The following ULBP1 variants were observed in gnomAD, a reference collection of about 807,000 sequenced individuals.
ULBP1 encodes UL16-binding protein 1.
Under a neutral mutation model 25.3 loss-of-function variants are expected in ULBP1, and 28 were observed. The ratio of observed to expected loss-of-function variants is 1.10; its 90% CI spans 0.82 to 1.51. The LOEUF is 1.51. Among genes scored for constraint, ULBP1 ranks in the 40% most tolerant of loss-of-function variants. ULBP1 has a pLI of 0.00. For synonymous variants in ULBP1, 129 were observed against 103.0 expected, an observed-to-expected ratio of 1.25 and a Z score of -1.53; for missense variants, 348 against 290.9, an observed-to-expected ratio of 1.20 and a Z score of -1.43.
rs1299614623 is a variant in ULBP1 at position 149,967,462 on chromosome 6, G to A, written c.86-1145G>A. On this transcript the variant is annotated intron_variant, in intron 1 of 4. Transcript: ENST00000229708. ...CAATGGACTCTGGGTCTGAGATGTG[G>A]CTCAGTTCTCAAAGCTGGGCAAAGG... is the stretch of plus-strand genomic sequence containing the variant. 5.3e-5 allele frequency among the ~76,000 whole-genome samples: 8 copies of A among 152,194 alleles called. No individual in the cohort carries two copies. In the South Asian group the frequency reaches 6.2e-4, roughly 12 times the overall value.
intron 3 of ULBP1, among the ~76,000 whole-genome samples, chr6:149,969,794 T>C (rs1337237032): frequency 6.6e-6 from 1 of 152,182 alleles, no homozygotes; most frequent in Non-Finnish European, 1.5e-5. Flanking sequence ...GAGGGTGGAC[T>C]GTGCTGTCAC....
rs554921036 is a variant in ULBP1 at position 149,971,767 on chromosome 6, A to G, written c.*421A>G. 6.2e-4 allele frequency: 95 copies of G among 152,290 alleles called. No individual in the cohort carries two copies. The highest frequency in any genetic ancestry group is 2.1e-3 in the African/African-American group (89 of 41,564). The allele number at this position is 152,290 out of a possible 1,614,324, so 9.4% of individuals were successfully genotyped here. On this transcript the variant is annotated 3_prime_UTR_variant, in exon 5 of 5. Transcript: ENST00000229708. Reference sequence around the variant, plus strand: ...TATCGCTAGTAAAATAGCATGCTGGACTTCAGACCTCAGGGATCCTTTTGA... The same window carrying G: ...TATCGCTAGTAAAATAGCATGCTGGGCTTCAGACCTCAGGGATCCTTTTGA...
chr6:149,964,150 T>C lies in ULBP1; in HGVS notation c.85+16T>C. 1 of 1,614,002 alleles carries C rather than the reference T, an allele frequency of 6.2e-7. No individual in the cohort carries two copies. Reference sequence around the variant, plus strand: ...GGATGGGTCGGTGAGTTCGGGGATGTAGCCTAAGCAGGGCGGGGGCCAAAC... The same window carrying C: ...GGATGGGTCGGTGAGTTCGGGGATGCAGCCTAAGCAGGGCGGGGGCCAAAC... On this transcript the variant is annotated intron_variant, in intron 1 of 4. Transcript: ENST00000229708.
chr6:149,968,795 G>A lies in ULBP1; in HGVS notation c.274G>A (p.Glu92Lys), dbSNP rs1779252226. ...NVTKTWEEQT[E>K]TLRDVVDFLK... ...CACAAAAACCTGGGAAGAACAAACT[G>A]AAACACTAAGAGACGTGGTGGATTT... Residue 92 changes from glutamate to lysine, a missense_variant, in exon 2 of 5, where the codon GAA (glutamate) becomes AAA (lysine). Transcript: ENST00000229708. The A allele has an allele frequency of 6.2e-7, 1 of 1,614,096 alleles. No homozygotes were observed. The highest frequency in any genetic ancestry group is 8.5e-7 in the Non-Finnish European group (1 of 1,180,052).
intron 4 of ULBP1, among the ~76,000 whole-genome samples, chr6:149,970,723 G>T (rs1779299032): frequency 6.6e-6 from 1 of 152,234 alleles, no homozygotes; most frequent in Admixed American, 6.5e-5. Flanking sequence ...TTAGGAAAAG[G>T]CCAGGCCCCT....
At position 149,972,555 on chromosome 6, in the gene ULBP1, A is replaced by G. The variant is rs557701623; in HGVS notation, c.*1209A>G. 6.6e-6 allele frequency: 1 copy of G among 152,306 alleles called. No homozygotes were observed. Among genetic ancestry groups the G allele is most frequent in the Admixed American group, 6.5e-5 (1 of 15,298 alleles). The allele number at this position is 152,306 out of a possible 1,614,324, so 9.4% of individuals were successfully genotyped here. On this transcript the variant is annotated 3_prime_UTR_variant, in exon 5 of 5. Transcript: ENST00000229708. ...TTCTGCACAGAAAAAGAAACTAGCA[A>G]CACAGTAAACAGACAGCCTGTAGAA...
rs1779155646 is a variant in ULBP1 at position 149,964,265 on chromosome 6, CCCGAACGTCGCGGTCCCT to C, written c.85+147_85+164del. On this transcript the variant is annotated intron_variant, in intron 1 of 4. Coordinates refer to ENST00000229708, the MANE Select transcript of ULBP1 (RefSeq NM_025218.4). The stretch of plus-strand genomic sequence containing the variant: ...CTCCCTGAACGAACATCGCGGTCTC[CCCGAACGTCGCGGTCCCT>C]CCGAACGTCGCGGTCTCCCCGAACA... 1.6e-5 allele frequency: 16 copies of C among 1,027,774 alleles called. 1 individual carries two copies. The South Asian group carries it at 2.2e-4, about 14-fold the overall frequency. 63.7% of individuals were successfully genotyped at this position (1,027,774 alleles called of 1,614,324 possible). A position where few individuals can be genotyped will look rare whatever the true frequency, so the allele number is the denominator to read the frequency against.
chr6:149,971,197 G>A (rs752153506), intron 4 of ULBP1, among the ~76,000 whole-genome samples, 172 bp from the exon 5 acceptor site: 6 of 152,192 alleles, frequency 3.9e-5, no homozygotes, highest in Non-Finnish European at 8.8e-5. Context: ...GTGTGGTGAA[G>A]GAGGGTGGAG....
At chr6:149,967,072 A>G (rs1209369598) in intron 1 of ULBP1, among the ~76,000 whole-genome samples, 1 of 152,216 alleles carries the variant, frequency 6.6e-6, no homozygotes, top group Non-Finnish European at 1.5e-5. Flanking sequence ...ACAACCTATA[A>G]TAGTTACTAC....
rs753782709 is a variant in ULBP1 at position 149,964,033 on chromosome 6, G to T, written c.-17G>T. ...GGAACCATCAGCGCCTCCTGTCCAC[G>T]GAGCTCCAGGTCTACAATGGCAGCG... is the stretch of plus-strand genomic sequence containing the variant. On this transcript the variant is annotated 5_prime_UTR_variant, in exon 1 of 5. Transcript: ENST00000229708. 6.2e-7 allele frequency: 1 copy of T among 1,613,532 alleles called. No individual in the cohort carries two copies. Among genetic ancestry groups the T allele is most frequent in the East Asian group, 2.2e-5 (1 of 44,876 alleles).
chr6:149,964,513 C>T (rs1427248931), intron 1 of ULBP1, among the ~76,000 whole-genome samples: 1 of 146,728 alleles, frequency 6.8e-6, no homozygotes, highest in Non-Finnish European at 1.5e-5. Flanking sequence ...ATCGTGGTCT[C>T]CCCGAACATC....
intron 1 of ULBP1, among the ~76,000 whole-genome samples, chr6:149,967,437 C>T (rs1362911458): frequency 1.3e-5 from 2 of 152,202 alleles, no homozygotes; most frequent in Non-Finnish European, 2.9e-5. Context: ...CTCCTTCTAG[C>T]AATGGACTCT....
At chr6:149,967,785 G>A (rs1370921620) in intron 1 of ULBP1, among the ~76,000 whole-genome samples, 1 of 151,976 alleles carries the variant, frequency 6.6e-6, no homozygotes, top group African/African-American at 2.4e-5. Flanking sequence ...ATTACTACTG[G>A]GAGCCCATTT....
chr6:149,969,259 A>G lies in ULBP1; in HGVS notation c.524A>G (p.Asn175Ser). Residue 175 changes from asparagine to serine, a missense_variant, in exon 3 of 5, where the codon AAC becomes AGC. Transcript: ENST00000229708. ...AKKMTEKWEK[N>S]RDVTMFFQKI... Reference sequence around the variant, plus strand: ...AAGATGACAGAGAAGTGGGAGAAGAACAGGGATGTGACCATGTTCTTCCAG... The same window carrying G: ...AAGATGACAGAGAAGTGGGAGAAGAGCAGGGATGTGACCATGTTCTTCCAG... The G allele has an allele frequency of 6.2e-7, 1 of 1,614,266 alleles. No homozygotes were observed. Among genetic ancestry groups the G allele is most frequent in the Non-Finnish European group, 8.5e-7 (1 of 1,180,052 alleles).
rs746611573 is a variant in ULBP1 at position 149,970,065 on chromosome 6, C to A, written c.675C>A (p.Thr225=). 2 of 1,613,562 alleles carry A rather than the reference C, an allele frequency of 1.2e-6. No homozygotes were observed. The highest frequency in any genetic ancestry group is 1.1e-5 in the South Asian group (1 of 90,836). ...CAACCCAACCCAAGGCCATGGCCAC[C>A]ACCCTCAGTCCCTGGAGCCTTCTCA... ...PGTTQPKAMA[T]TLSPWSLLII... The change falls in exon 4 of 5, where the codon ACC becomes ACA. Residue 225 remains threonine (T), a synonymous_variant. Coordinates refer to ENST00000229708, the MANE Select transcript of ULBP1 (RefSeq NM_025218.4).
Position 149,969,186 on chromosome 6 carries a change from T to G in ULBP1, c.451T>G (p.Phe151Val), listed in dbSNP as rs377668398. 6.2e-7 allele frequency: 1 copy of G among 1,614,120 alleles called. No individual in the cohort carries two copies. The highest frequency in any genetic ancestry group is 8.5e-7 in the Non-Finnish European group (1 of 1,180,062). ...FLFNGQKFLL[F>V]DSNNRKWTAL... ...CTTCAATGGACAGAAGTTCCTCCTCTTTGACTCAAACAACAGAAAGTGGAC... is the reference window on the plus strand; with the variant it reads ...CTTCAATGGACAGAAGTTCCTCCTCGTTGACTCAAACAACAGAAAGTGGAC... Residue 151 changes from phenylalanine to valine, a missense_variant, in exon 3 of 5, where the codon TTT (phenylalanine) becomes GTT (valine). By Grantham distance (50) the Phe-to-Val change is conservative (BLOSUM62 -1). Transcript: ENST00000229708.
Position 149,964,025 on chromosome 6 carries a change from C to T in ULBP1, c.-25C>T. ...CCTCGAAGGGAACCATCAGCGCCTCCTGTCCACGGAGCTCCAGGTCTACAA... is the reference window on the plus strand; with the variant it reads ...CCTCGAAGGGAACCATCAGCGCCTCTTGTCCACGGAGCTCCAGGTCTACAA... On this transcript the variant is annotated 5_prime_UTR_variant, in exon 1 of 5. Coordinates refer to ENST00000229708, the MANE Select transcript of ULBP1 (RefSeq NM_025218.4). 6.2e-7 allele frequency: 1 copy of T among 1,613,172 alleles called. No individual in the cohort carries two copies. The highest frequency in any genetic ancestry group is 8.5e-7 in the Non-Finnish European group (1 of 1,179,552).
chr6:149,970,785 G>A (rs1475996904), intron 4 of ULBP1, among the ~76,000 whole-genome samples: 1 of 152,264 alleles, frequency 6.6e-6, no homozygotes, highest in Non-Finnish European at 1.5e-5. Flanking sequence ...CTGCCATTCT[G>A]CCTCCTTCAT....
chr6:149,970,232 G>A (rs2114714868), intron 4 of ULBP1, 85 bp downstream of exon 4: 1 of 1,484,474 alleles, frequency 6.7e-7, no homozygotes, highest in East Asian at 2.5e-5. Context: ...GAGTCCCAGA[G>A]GCCGGGAACT....
Sources: gnomAD v4.1 joint callset for allele counts (sites outside exome capture counted in the v4.1 genomes callset) on GRCh38, gnomAD v4.1.1 for gene constraint, MANE v1.5 for transcripts, NCBI Gene and HGNC (gene_info 2026-07-23, HGNC 2026-07-21) for gene names.